CNTNAP2: variants seen among roughly 807,000 people sequenced by gnomAD.
CNTNAP2 encodes the protein contactin-associated protein-like 2.
A neutral mutation model predicts 155.2 loss-of-function variants in CNTNAP2; 98 were observed. The ratio of observed to expected loss-of-function variants is 0.63; its 90% CI spans 0.54 to 0.75. The LOEUF (loss-of-function observed/expected upper bound fraction) is 0.75. Among genes scored for constraint, CNTNAP2 ranks in the 30% least tolerant of loss-of-function variants. The probability of loss-of-function intolerance (pLI) is 0.00; values close to 1 mark genes in which losing one functional copy is unlikely to be tolerated. For missense variants in CNTNAP2, 1,727 were observed against 1,688.1 expected (o/e 1.02, Z -0.40); for synonymous variants, 651 against 631.2 (o/e 1.03, Z -0.47).
chr7:146,510,631 C>T (rs755799887), intron 1 of CNTNAP2, among the ~76,000 whole-genome samples: 1 of 152,000 alleles, frequency 6.6e-6, no homozygotes, highest in Non-Finnish European at 1.5e-5. Flanking sequence ...GGATATCTTT[C>T]CATTTTAGGG....
At chr7:146,723,706 A>T (rs1801379071) in intron 1 of CNTNAP2, among the ~76,000 whole-genome samples, 1 of 152,214 alleles carries the variant, frequency 6.6e-6, no homozygotes, top group Non-Finnish European at 1.5e-5. Flanking sequence ...TCTTATATTT[A>T]CTATTTCCCA....
intron 13 of CNTNAP2, among the ~76,000 whole-genome samples, chr7:147,786,532 A>T (rs1348767002): frequency 3.3e-5 from 5 of 152,190 alleles, no homozygotes; most frequent in Middle Eastern, 3.2e-3. Context: ...ACTGCTGGGG[A>T]TGGCAGAGAG....
chr7:148,264,258 T>C (rs1408587365), intron 20 of CNTNAP2, among the ~76,000 whole-genome samples: 3 of 152,216 alleles, frequency 2.0e-5, no homozygotes, highest in African/African-American at 7.2e-5. Flanking sequence ...TTAAAAAATA[T>C]ACAAAACATA....
intron 12 of CNTNAP2, among the ~76,000 whole-genome samples, chr7:147,579,135 T>C (rs940651525): frequency 3.3e-5 from 5 of 152,116 alleles, no homozygotes; most frequent in African/African-American, 1.2e-4. Context: ...TGTAATGAAC[T>C]GTGTGGTGTG....
chr7:146,206,842 A>C (rs1798954824), intron 1 of CNTNAP2, among the ~76,000 whole-genome samples: 1 of 152,022 alleles, frequency 6.6e-6, no homozygotes, highest in Non-Finnish European at 1.5e-5. Context: ...TTTTATTTCC[A>C]TTTAAATGTT....
At chr7:147,802,762 T>C (rs1334940991) in intron 13 of CNTNAP2, among the ~76,000 whole-genome samples, 8 of 90,742 alleles carry the variant, frequency 8.8e-5, no homozygotes, top group Non-Finnish European at 1.4e-4. Flanking sequence ...AGAGGGAGAC[T>C]GTGGAAAGGG....
At chr7:147,604,595 C>T (rs1801026690) in intron 12 of CNTNAP2, among the ~76,000 whole-genome samples, 1 of 152,192 alleles carries the variant, frequency 6.6e-6, no homozygotes, top group Admixed American at 6.6e-5. Context: ...TGCTTCTCTG[C>T]TCTTCATTTG....
At chr7:146,430,613 A>G (rs1205260552) in intron 1 of CNTNAP2, among the ~76,000 whole-genome samples, 1 of 152,024 alleles carries the variant, frequency 6.6e-6, no homozygotes, top group East Asian at 1.9e-4. Context: ...GCCTGGCTGC[A>G]CCTCAATTCT....
At chr7:148,070,691 C>G (rs1248096445) in intron 15 of CNTNAP2, among the ~76,000 whole-genome samples, 3 of 152,218 alleles carry the variant, frequency 2.0e-5, no homozygotes, top group African/African-American at 4.8e-5. Flanking sequence ...GCACTCCAGC[C>G]TGGGTGACAG....
chr7:147,550,777 G>T (rs1476677970), intron 11 of CNTNAP2, among the ~76,000 whole-genome samples: 2 of 152,064 alleles, frequency 1.3e-5, no homozygotes, highest in Non-Finnish European at 2.9e-5. Flanking sequence ...AACCACAACA[G>T]ATATTATATA....
chr7:146,524,466 T>C (rs142008173), intron 1 of CNTNAP2, among the ~76,000 whole-genome samples: 41 of 152,308 alleles, frequency 2.7e-4, no homozygotes, highest in African/African-American at 9.9e-4. Context: ...ACTGCCATTT[T>C]CTTTCATGTC....
Position 148,330,847 on chromosome 7 carries a change from A to T in CNTNAP2, c.3476-52802A>T, listed in dbSNP as rs1423558918. Among the ~76,000 whole-genome samples the T allele has an allele frequency of 2.2e-4, 31 of 140,962 alleles. 1 individual carries two copies. The highest frequency in any genetic ancestry group is 7.6e-4 in the African/African-American group (28 of 37,032). The allele number at this position is 140,962 out of a possible 152,430, so 92.5% of individuals were successfully genotyped here. A position where few individuals can be genotyped will look rare whatever the true frequency, so the allele number is the denominator to read the frequency against. On this transcript the variant is annotated intron_variant, in intron 21 of 23. Transcript: ENST00000361727. ...CAGATGGAATGGACGGATAGAATGGATGGATGGAATGGATGGACGGATGGA... is the reference window on the plus strand; with the variant it reads ...CAGATGGAATGGACGGATAGAATGGTTGGATGGAATGGATGGACGGATGGA...
chr7:147,630,365 C>T (rs28881780), intron 12 of CNTNAP2, among the ~76,000 whole-genome samples: 13,315 of 141,206 alleles, frequency 0.094, 1,704 homozygotes, highest in African/African-American at 0.27. Context: ...CAGAACCAGA[C>T]GGATTCGCAG....
chr7:148,347,950 T>C (rs1798356647), intron 21 of CNTNAP2, among the ~76,000 whole-genome samples: 1 of 152,228 alleles, frequency 6.6e-6, no homozygotes, highest in Non-Finnish European at 1.5e-5. Context: ...ATCCCCAACT[T>C]TCTTTTTTTT....
At chr7:146,865,833 C>T (rs940836844) in intron 3 of CNTNAP2, among the ~76,000 whole-genome samples, 4 of 152,036 alleles carry the variant, frequency 2.6e-5, no homozygotes, top group African/African-American at 7.2e-5. Flanking sequence ...AAAATCAAAC[C>T]ACATGCTGGG....
chr7:146,851,903 C>T (rs1470692898), intron 3 of CNTNAP2, among the ~76,000 whole-genome samples: 1 of 151,916 alleles, frequency 6.6e-6, no homozygotes, highest in Non-Finnish European at 1.5e-5. Flanking sequence ...CCAGGTGGGT[C>T]TTGAACTCCT....
intron 10 of CNTNAP2, among the ~76,000 whole-genome samples, chr7:147,406,727 C>A (rs1209621553): frequency 6.6e-6 from 1 of 152,134 alleles, no homozygotes; most frequent in African/African-American, 2.4e-5. Context: ...GAAAGGAATG[C>A]AGATGGAAGG....
At chr7:147,224,311 A>T (rs4726829) in intron 8 of CNTNAP2, among the ~76,000 whole-genome samples, 123,433 of 152,178 alleles carry the variant, frequency 0.81, 50,712 homozygotes, top group African/African-American at 0.95. Context: ...TTACATTTTT[A>T]AATGATTGAA....
At chr7:148,173,358 T>A (rs1379540302) in intron 18 of CNTNAP2, among the ~76,000 whole-genome samples, 2 of 152,218 alleles carry the variant, frequency 1.3e-5, no homozygotes, top group Non-Finnish European at 2.9e-5. Context: ...GTATAGCATA[T>A]GGGTAAAGTT....
Sources: allele counts gnomAD v4.1 joint callset (sites outside exome capture counted in the v4.1 genomes callset), GRCh38; gene constraint gnomAD v4.1.1; transcripts MANE v1.5; gene names NCBI Gene and HGNC (gene_info 2026-07-23, HGNC 2026-07-21).